Variants in GFPT2 observed in about 807,000 individuals in gnomAD.
The protein encoded by GFPT2 is glutamine--fructose-6-phosphate transaminase 2, also known as glutamine--fructose-6-phosphate aminotransferase [isomerizing] 2.
GFPT2 carries 62 observed loss-of-function variants against 85.6 expected under a neutral mutation model. That is an observed-to-expected ratio of 0.72 (90% CI 0.59 to 0.90). GFPT2 has a LOEUF of 0.90. Ranked by LOEUF, GFPT2 falls within the 40% of genes least tolerant of loss-of-function variation. The pLI is 0.00. For missense variants in GFPT2, 788 were observed against 893.4 expected, an observed-to-expected ratio of 0.88 and a Z score of 1.50; for synonymous variants, 368 against 344.5, an observed-to-expected ratio of 1.07 and a Z score of -0.75.
chr5:180,303,217 C>T (rs60059317), intron 17 of GFPT2, among the ~76,000 whole-genome samples: 1 of 143,662 alleles, frequency 7.0e-6, no homozygotes, highest in African/African-American at 2.6e-5. Context: ...GCGACAGAGC[C>T]AGACTCCGTC....
intron 7 of GFPT2, among the ~76,000 whole-genome samples, chr5:180,326,742 C>T (rs1262271873): frequency 6.6e-6 from 1 of 152,088 alleles, no homozygotes; most frequent in Non-Finnish European, 1.5e-5. Context: ...CAAATGACTC[C>T]CCCAAATTTT....
At chr5:180,350,446 T>TC (rs1561886279) in intron 1 of GFPT2, among the ~76,000 whole-genome samples, 1 of 152,204 alleles carries the variant, frequency 6.6e-6, no homozygotes, top group African/African-American at 2.4e-5. Context: ...CTCAAGGTCC[T>TC]CCCTCCACAG....
At chr5:180,325,398 C>G (rs1289460886) in intron 7 of GFPT2, among the ~76,000 whole-genome samples, 3 of 152,190 alleles carry the variant, frequency 2.0e-5, no homozygotes, top group African/African-American at 7.2e-5. Context: ...GTCTGACTGA[C>G]TTTTGTATAT....
At chr5:180,350,461 A>G (rs1174586532) in intron 1 of GFPT2, among the ~76,000 whole-genome samples, 1 of 152,224 alleles carries the variant, frequency 6.6e-6, no homozygotes, top group Non-Finnish European at 1.5e-5. Flanking sequence ...CCACAGCAGC[A>G]CTGCCCTGAT....
intron 2 of GFPT2, among the ~76,000 whole-genome samples, chr5:180,337,453 G>GAAAAAA (rs35211599): frequency 1.0e-5 from 1 of 99,398 alleles, no homozygotes. Context: ...ACTCCATCTC[G>GAAAAAA]AAAAAAAAAA....
intron 1 of GFPT2, among the ~76,000 whole-genome samples, chr5:180,349,635 C>A (rs908852697): frequency 1.3e-5 from 2 of 152,218 alleles, no homozygotes. Context: ...TCCTCAGAGC[C>A]TCTGGAGGAG....
intron 2 of GFPT2, 126 bp downstream of exon 2, chr5:180,338,367 T>C (rs956953578): frequency 6.3e-6 from 3 of 479,888 alleles, no homozygotes; most frequent in Non-Finnish European, 1.1e-5. Context: ...ATTTTTATAT[T>C]GAAAAGAGAC....
intron 8 of GFPT2, 166 bp from the exon 9 acceptor site, chr5:180,324,471 C>G: frequency 1.7e-6 from 1 of 595,452 alleles, no homozygotes; most frequent in Non-Finnish European, 3.0e-6. Context: ...AGCACAGTAC[C>G]ACTGCAAAAG....
At position 180,324,753 on chromosome 5, in the gene GFPT2, A is replaced by G. The variant is rs933563493; in HGVS notation, c.676+63T>C. On this transcript the variant is annotated intron_variant, in intron 8 of 18. Transcript: ENST00000253778. Reference sequence around the variant, plus strand: ...CTCAGAGGGGAGCTGACTGTGCCAGAGCAGCTGCCGAGTCCTGCGACACCA... The same window carrying G: ...CTCAGAGGGGAGCTGACTGTGCCAGGGCAGCTGCCGAGTCCTGCGACACCA... The G allele has an allele frequency of 3.8e-6, 4 of 1,063,152 alleles. No homozygotes were observed. The South Asian group carries it at 5.0e-5, about 13-fold the overall frequency. The allele number at this position is 1,063,152 out of a possible 1,614,324, so 65.9% of individuals were successfully genotyped here. A position where few individuals can be genotyped will look rare whatever the true frequency, so the allele number is the denominator to read the frequency against.
At chr5:180,308,507 T>C (rs1202184059) in intron 15 of GFPT2, among the ~76,000 whole-genome samples, 1 of 152,148 alleles carries the variant, frequency 6.6e-6, no homozygotes, top group Non-Finnish European at 1.5e-5. Context: ...AGTATAAAAA[T>C]AAAATTCAGC....
chr5:180,352,683 C>G (rs1764737208), intron 1 of GFPT2: 1 of 434,938 alleles, frequency 2.3e-6, no homozygotes, highest in East Asian at 8.9e-5. Flanking sequence ...GACGCGCAGG[C>G]CCTGCCTGAG....
intron 17 of GFPT2, among the ~76,000 whole-genome samples, chr5:180,303,026 G>GT (rs1462873754): frequency 6.6e-6 from 1 of 150,754 alleles, no homozygotes; most frequent in Non-Finnish European, 1.5e-5. Context: ...TCAGGAGATC[G>GT]AGACCATCCT....
At chr5:180,336,070 A>G in intron 3 of GFPT2, 117 bp from the exon 4 acceptor site, 1 of 953,316 alleles carries the variant, frequency 1.0e-6, no homozygotes, top group South Asian at 1.8e-5. Flanking sequence ...GCACCTCCCC[A>G]CCAGCTCCCA....
At chr5:180,324,459 A>G (rs1473667775) in intron 8 of GFPT2, 154 bp from the exon 9 acceptor site, 12 of 603,876 alleles carry the variant, frequency 2.0e-5, no homozygotes, top group African/African-American at 5.5e-5. Flanking sequence ...AGATCCCCCA[A>G]TAGCACAGTA....
Position 180,313,918 on chromosome 5 carries a change from G to T in GFPT2, c.1320C>A (p.Arg440=). ...TGGTGACGCCCACGGTGAGAGCGCC[G>T]CGGTCCTTACAGTAGCGCAGCGCCA... ...TLLALRYCKD[R]GALTVGVTNT... Residue 440 remains arginine (R), a synonymous_variant, in exon 14 of 19, where the codon CGC becomes CGA. Coordinates refer to ENST00000253778, the MANE Select transcript of GFPT2 (RefSeq NM_005110.4). 6.2e-7 allele frequency: 1 copy of T among 1,605,622 alleles called. No individual in the cohort carries two copies.
intron 17 of GFPT2, 136 bp downstream of exon 17, chr5:180,304,636 G>A (rs536843249): frequency 4.2e-5 from 34 of 801,496 alleles, no homozygotes; most frequent in South Asian, 2.7e-4. Context: ...CCCCACAGGC[G>A]GCCCGGGGGA....
At chr5:180,352,859 G>A (rs1161483079) in intron 1 of GFPT2, 3 of 407,408 alleles carry the variant, frequency 7.4e-6, no homozygotes, top group South Asian at 5.2e-5. Context: ...AGACGTGGAG[G>A]AGAGCGACCT....
chr5:180,305,019 C>G, intron 16 of GFPT2, 80 bp from the exon 17 acceptor site: 1 of 1,000,244 alleles, frequency 1.0e-6, no homozygotes, highest in Non-Finnish European at 1.5e-6. Context: ...GAAGGGGAAC[C>G]AGGGGAAGGA....
At chr5:180,340,875 C>A (rs921197570) in intron 1 of GFPT2, among the ~76,000 whole-genome samples, 33 of 152,244 alleles carry the variant, frequency 2.2e-4, no homozygotes, top group South Asian at 2.1e-4. Flanking sequence ...ATGACCTAAT[C>A]GCCTCCCCAA....
Sources: allele counts gnomAD v4.1 joint callset (sites outside exome capture counted in the v4.1 genomes callset), GRCh38; gene constraint gnomAD v4.1.1; transcripts MANE v1.5; gene names NCBI Gene and HGNC (gene_info 2026-07-23, HGNC 2026-07-21).